The following DHTKD1 variants were observed in gnomAD, a reference collection of about 807,000 sequenced individuals.
DHTKD1 encodes 2-oxoadipate dehydrogenase complex component E1.
Under a neutral mutation model 101.8 loss-of-function variants are expected in DHTKD1, and 78 were observed. That is an observed-to-expected ratio of 0.77 (90% CI 0.64 to 0.93). The LOEUF (loss-of-function observed/expected upper bound fraction) is 0.93. Among genes scored for constraint, DHTKD1 ranks in the 40% least tolerant of loss-of-function variants. The pLI is 0.00. For missense variants in DHTKD1, 1,223 were observed against 1,161.7 expected, an observed-to-expected ratio of 1.05 and a Z score of -0.77; for synonymous variants, 462 against 450.3, an observed-to-expected ratio of 1.03 and a Z score of -0.33.
At chr10:12,080,869 C>T (rs1437617973) in intron 1 of DHTKD1, among the ~76,000 whole-genome samples, 1 of 151,756 alleles carries the variant, frequency 6.6e-6, no homozygotes, top group Non-Finnish European at 1.5e-5. Flanking sequence ...GGGTTCAAGA[C>T]CAACCTGGGC....
At chr10:12,081,709 C>A (rs1319727710) in intron 2 of DHTKD1, 82 bp downstream of exon 2, 3 of 1,530,472 alleles carry the variant, frequency 2.0e-6, no homozygotes, top group Admixed American at 1.8e-5. Flanking sequence ...GAAGCAGCAT[C>A]CCCACTGGAG....
intron 2 of DHTKD1, among the ~76,000 whole-genome samples, chr10:12,082,346 T>C (rs1486907387): frequency 6.6e-6 from 1 of 152,138 alleles, no homozygotes; most frequent in African/African-American, 2.4e-5. Context: ...TCATTCTGTT[T>C]TCTTTCCCAG....
At position 12,087,857 on chromosome 10, in the gene DHTKD1, A is replaced by T; in HGVS notation, c.717+128A>T. 1.3e-6 allele frequency: 1 copy of T among 779,790 alleles called. No homozygotes were observed. Among genetic ancestry groups the T allele is most frequent in the South Asian group, 2.3e-5 (1 of 43,068 alleles). 48.3% of individuals were successfully genotyped at this position (779,790 alleles called of 1,614,324 possible). A position where few individuals can be genotyped will look rare whatever the true frequency, so the allele number is the denominator to read the frequency against. Reference sequence around the variant, plus strand: ...CCGGGCACTGTGGCTCACACCTGCAATCCCAGCCTGTTGGGAGGATGAGGC... The same window carrying T: ...CCGGGCACTGTGGCTCACACCTGCATTCCCAGCCTGTTGGGAGGATGAGGC... On this transcript the variant is annotated intron_variant, in intron 4 of 16. Transcript: ENST00000263035. This position sits in a 1 kb window ranked among gnomAD's most constrained non-coding sequence, Gnocchi z 5.2.
At chr10:12,120,336 T>C in intron 16 of DHTKD1, 69 bp downstream of exon 16, 1 of 1,382,978 alleles carries the variant, frequency 7.2e-7, no homozygotes. Context: ...TCTTTCTTTC[T>C]TTCTTTTTTT....
At chr10:12,089,599 A>G (rs1252724622) in intron 5 of DHTKD1, among the ~76,000 whole-genome samples, 1 of 151,694 alleles carries the variant, frequency 6.6e-6, no homozygotes, top group Non-Finnish European at 1.5e-5. Flanking sequence ...ATATAACAAG[A>G]CAAGCGTGAA....
intron 10 of DHTKD1, among the ~76,000 whole-genome samples, chr10:12,102,218 G>A (rs1464485018): frequency 1.3e-5 from 2 of 151,924 alleles, no homozygotes; most frequent in African/African-American, 4.8e-5. Flanking sequence ...ACGGTCAAGA[G>A]ATCAAGACCA....
At chr10:12,105,804 G>A (rs925028628) in intron 10 of DHTKD1, among the ~76,000 whole-genome samples, 3 of 152,120 alleles carry the variant, frequency 2.0e-5, no homozygotes, top group Non-Finnish European at 4.4e-5. Flanking sequence ...TCAAAAGAAT[G>A]TGGTGATGAG....
intron 1 of DHTKD1, among the ~76,000 whole-genome samples, chr10:12,078,031 C>T (rs1364625775): frequency 6.6e-6 from 1 of 152,098 alleles, no homozygotes; most frequent in African/African-American, 2.4e-5. Context: ...CAAACTGCTA[C>T]ATGCCTCATG....
At chr10:12,073,908 C>T (rs1415517220) in intron 1 of DHTKD1, among the ~76,000 whole-genome samples, 2 of 152,196 alleles carry the variant, frequency 1.3e-5, no homozygotes, top group Non-Finnish European at 2.9e-5. Context: ...ATTTCTTGAG[C>T]GTCTACCATG....
chr10:12,081,789 G>A (rs942509201), intron 2 of DHTKD1, among the ~76,000 whole-genome samples, 162 bp downstream of exon 2: 1 of 152,022 alleles, frequency 6.6e-6, no homozygotes, highest in Non-Finnish European at 1.5e-5. Flanking sequence ...AGCATTCTTG[G>A]GATTCTAGAA....
At chr10:12,077,462 G>C (rs995352371) in intron 1 of DHTKD1, among the ~76,000 whole-genome samples, 4 of 152,058 alleles carry the variant, frequency 2.6e-5, no homozygotes, top group Non-Finnish European at 5.9e-5. Context: ...CCTGACCTCA[G>C]GTGATGAGGT....
In DHTKD1 at chr10:12,120,949, G is replaced by A; in HGVS notation, c.*61G>A. The stretch of plus-strand genomic sequence containing the variant: ...AAAATGGCCATTAAGGCCGGGTGGG[G>A]TGGCACATGCCTGTAATCCCAGCAC... On this transcript the variant is annotated 3_prime_UTR_variant, in exon 17 of 17. Coordinates refer to ENST00000263035, the MANE Select transcript of DHTKD1 (RefSeq NM_018706.7). 2 of 1,491,854 alleles carry A rather than the reference G, an allele frequency of 1.3e-6. No homozygotes were observed. The highest frequency in any genetic ancestry group is 1.8e-6 in the Non-Finnish European group (2 of 1,083,742). The allele number at this position is 1,491,854 out of a possible 1,614,324, so 92.4% of individuals were successfully genotyped here.
At chr10:12,082,407 G>A (rs959988950) in intron 2 of DHTKD1, among the ~76,000 whole-genome samples, 1 of 152,066 alleles carries the variant, frequency 6.6e-6, no homozygotes, top group African/African-American at 2.4e-5. Context: ...TGATTTCAGG[G>A]TCCTACCTCA....
Position 12,117,703 on chromosome 10 carries a change from C to T in DHTKD1, c.2350C>T (p.Pro784Ser). 6.2e-7 allele frequency: 1 copy of T among 1,607,484 alleles called. No homozygotes were observed. The highest frequency in any genetic ancestry group is 1.1e-5 in the South Asian group (1 of 90,032). The change falls in exon 14 of 17, where the codon CCA becomes TCA. Residue 784 changes from proline to serine, a missense_variant. Pro to Ser is a moderately conservative substitution (Grantham distance 74, BLOSUM62 -1). Transcript: ENST00000263035. ...AAVSTLQEMA[P>S]GTTFNPVIGD... ...CGTGTCAACTCTTCAAGAAATGGCA[C>T]CAGGAACAACATTTAACCCGGTCAT...
intron 1 of DHTKD1, among the ~76,000 whole-genome samples, chr10:12,076,722 G>A (rs931162252): frequency 3.3e-5 from 5 of 151,438 alleles, no homozygotes; most frequent in African/African-American, 4.8e-5. Flanking sequence ...GCGGTGACGC[G>A]ATCTCAGCTC....
At chr10:12,084,259 G>A (rs1221708240) in intron 2 of DHTKD1, among the ~76,000 whole-genome samples, 1 of 151,818 alleles carries the variant, frequency 6.6e-6, no homozygotes, top group South Asian at 2.1e-4. Flanking sequence ...AGCACTCTGC[G>A]TTGAAGTAAT....
intron 14 of DHTKD1, among the ~76,000 whole-genome samples, chr10:12,117,982 C>T (rs1327651509): frequency 1.2e-4 from 18 of 151,840 alleles, no homozygotes; most frequent in Admixed American, 5.9e-4. Flanking sequence ...CTCCGCCTCC[C>T]GGATTCAAGT....
intron 3 of DHTKD1, among the ~76,000 whole-genome samples, chr10:12,085,587 C>T (rs1832884934): frequency 6.6e-6 from 1 of 152,066 alleles, no homozygotes. Context: ...TTACTTAAGA[C>T]CTTACTTCTG....
chr10:12,077,867 G>A (rs773913256), intron 1 of DHTKD1, among the ~76,000 whole-genome samples: 6 of 151,900 alleles, frequency 3.9e-5, no homozygotes, highest in Non-Finnish European at 8.8e-5. Flanking sequence ...GGTCTCGGTG[G>A]AAGGAGGTGG....
Sources: gnomAD v4.1 joint callset for allele counts (sites outside exome capture counted in the v4.1 genomes callset) on GRCh38, gnomAD v4.1.1 for gene constraint, Gnocchi (gnomAD v3.1) non-coding constraint, MANE v1.5 for transcripts, NCBI Gene and HGNC (gene_info 2026-07-23, HGNC 2026-07-21) for gene names.